The following RAB27B variants were observed in gnomAD, a reference collection of about 807,000 sequenced individuals.
The protein encoded by RAB27B is ras-related protein Rab-27B.
A neutral mutation model predicts 24.6 loss-of-function variants in RAB27B; 15 were observed. The observed-to-expected ratio is 0.61, with a 90% confidence interval of 0.41 to 0.94. The LOEUF is 0.94. Among genes scored for constraint, RAB27B ranks in the 40% least tolerant of loss-of-function variants. The pLI, the probability that RAB27B is intolerant of heterozygous loss-of-function variation, is 0.00. For missense variants in RAB27B, 261 were observed against 266.8 expected, an observed-to-expected ratio of 0.98 and a Z score of 0.15; for synonymous variants, 105 against 92.5, an observed-to-expected ratio of 1.14 and a Z score of -0.78.
At chr18:54,825,967 T>C (rs1910458206), upstream of RAB27B, among the ~76,000 whole-genome samples, 2 of 152,244 alleles carry the variant, frequency 1.3e-5, 1 homozygote, top group South Asian at 4.1e-4. Flanking sequence ...GCATGCAGTG[T>C]ATAGAATCCT....
intron 2 of RAB27B, chr18:54,745,159 G>T: frequency 6.1e-6 from 1 of 164,144 alleles, no homozygotes; most frequent in South Asian, 1.5e-4. Context: ...ACACTAACCT[G>T]CCTACCATTG....
intron 2 of RAB27B, among the ~76,000 whole-genome samples, chr18:54,794,343 T>A (rs1016010748): frequency 6.6e-6 from 1 of 152,208 alleles, no homozygotes; most frequent in African/African-American, 2.4e-5. Flanking sequence ...CTGAGTGTCA[T>A]TATCAATGAC....
chr18:54,826,916 T>C (rs1476141972), upstream of RAB27B, among the ~76,000 whole-genome samples: 1 of 152,246 alleles, frequency 6.6e-6, no homozygotes, highest in Non-Finnish European at 1.5e-5. Flanking sequence ...AAATAATAGC[T>C]ATTAGGACTA....
intron 1 of RAB27B, among the ~76,000 whole-genome samples, chr18:54,860,151 T>A (rs1911955121): frequency 6.6e-6 from 1 of 152,142 alleles, no homozygotes; most frequent in African/African-American, 2.4e-5. Flanking sequence ...TCATGGTGAA[T>A]TCCTCTTCAA....
intron 3 of RAB27B, among the ~76,000 whole-genome samples, chr18:54,883,951 G>C (rs1913026978): frequency 6.6e-6 from 1 of 151,996 alleles, no homozygotes; most frequent in Admixed American, 6.6e-5. Context: ...TTTCTTCTGG[G>C]CACAGACAAG....
At chr18:54,792,435 C>G (rs910623884) in intron 2 of RAB27B, among the ~76,000 whole-genome samples, 1 of 152,174 alleles carries the variant, frequency 6.6e-6, no homozygotes, top group Non-Finnish European at 1.5e-5. Flanking sequence ...GTGTGCCACG[C>G]GCCTTAGTCT....
intron 2 of RAB27B, among the ~76,000 whole-genome samples, chr18:54,784,404 A>G (rs1384198189): frequency 2.0e-5 from 3 of 152,184 alleles, no homozygotes; most frequent in African/African-American, 7.2e-5. Context: ...CTGCCCAGGA[A>G]GCAAACATTG....
chr18:54,813,883 T>A (rs368553067), intron 2 of RAB27B, among the ~76,000 whole-genome samples: 15 of 152,278 alleles, frequency 9.9e-5, no homozygotes, highest in African/African-American at 3.1e-4. Context: ...TTCCACACAA[T>A]GGATAATTAG....
At position 54,846,188 on chromosome 18, in the gene RAB27B, C is replaced by T. The variant is rs373404082; in HGVS notation, c.-20+17488C>T. 2.5e-4 allele frequency among the ~76,000 whole-genome samples: 38 copies of T among 152,258 alleles called. 1 individual carries two copies. The East Asian group carries it at 3.1e-3, about 12-fold the overall frequency. On this transcript the variant is annotated intron_variant, in intron 1 of 5. Transcript: ENST00000262094. ...AAGGAGAAGATACATAGATAAGTTT[C>T]GTTCAGGCATGAGTTATAGTGCTGT...
intron 1 of RAB27B, among the ~76,000 whole-genome samples, chr18:54,866,333 T>C (rs1321949116): frequency 1.3e-5 from 2 of 151,772 alleles, no homozygotes; most frequent in Admixed American, 6.5e-5. Flanking sequence ...TCTCGCTCTG[T>C]AGCCCAGGCT....
chr18:54,767,612 G>C (rs1908405898), intron 2 of RAB27B, among the ~76,000 whole-genome samples: 1 of 152,120 alleles, frequency 6.6e-6, no homozygotes, highest in Admixed American at 6.6e-5. Flanking sequence ...GTGAATAATA[G>C]TATGAAGTCA....
intron 2 of RAB27B, among the ~76,000 whole-genome samples, chr18:54,744,293 G>A (rs1209147484): frequency 6.6e-6 from 1 of 152,112 alleles, no homozygotes; most frequent in East Asian, 1.9e-4. Flanking sequence ...ATTTCAAAAT[G>A]TGATAAAGAA....
intron 1 of RAB27B, among the ~76,000 whole-genome samples, chr18:54,864,410 G>T (rs1912128929): frequency 6.6e-6 from 1 of 152,072 alleles, no homozygotes; most frequent in South Asian, 2.1e-4. Flanking sequence ...TTCCTTATCA[G>T]ATATATGATT....
At chr18:54,873,920 G>A (rs1912586117) in intron 1 of RAB27B, among the ~76,000 whole-genome samples, 1 of 152,138 alleles carries the variant, frequency 6.6e-6, no homozygotes, top group African/African-American at 2.4e-5. Flanking sequence ...TTCATTTCAG[G>A]TGGAATTTGT....
At chr18:54,758,082 T>A (rs1908064773) in intron 2 of RAB27B, among the ~76,000 whole-genome samples, 1 of 152,150 alleles carries the variant, frequency 6.6e-6, no homozygotes, top group Non-Finnish European at 1.5e-5. Context: ...ATGCTGTGCT[T>A]TGTAACCTAG....
At chr18:54,821,002 C>T (rs566400712) in intron 2 of RAB27B, among the ~76,000 whole-genome samples, 3 of 152,228 alleles carry the variant, frequency 2.0e-5, no homozygotes, top group South Asian at 4.1e-4. Flanking sequence ...AAGTACCATG[C>T]TGTTTTGGTT....
rs929214836 is a variant in RAB27B, at chr18:54,775,791, T to A, written c.-20+57650T>A. On this transcript the variant is annotated intron_variant, in intron 2 of 4. Transcript: ENST00000586570. Reference sequence around the variant, plus strand: ...ACTCCCCTCTTTGTCACCTAGCCAATTTCTAATATTCCCCAATCTCTTGCC... The same window carrying A: ...ACTCCCCTCTTTGTCACCTAGCCAAATTCTAATATTCCCCAATCTCTTGCC... Among the ~76,000 whole-genome samples, 9 of 152,200 alleles carry A rather than the reference T, an allele frequency of 5.9e-5. 1 individual carries two copies. Among genetic ancestry groups the A allele is most frequent in the Non-Finnish European group, 1.2e-4 (8 of 68,038 alleles).
intron 2 of RAB27B, among the ~76,000 whole-genome samples, chr18:54,785,265 C>CTAAT (rs61437259): frequency 0.96 from 146,135 of 151,826 alleles, 70,570 homozygotes; most frequent in East Asian, 1. Context: ...GCATGTCTGG[C>CTAAT]TTTTTTTTGT....
intron 2 of RAB27B, among the ~76,000 whole-genome samples, chr18:54,816,998 GA>G (rs1910142090): frequency 6.6e-6 from 1 of 152,048 alleles, no homozygotes; most frequent in Non-Finnish European, 1.5e-5. Flanking sequence ...TTTATTTCGA[GA>G]GTCTGATATA....
Sources: allele counts gnomAD v4.1 joint callset (sites outside exome capture counted in the v4.1 genomes callset), GRCh38; gene constraint gnomAD v4.1.1; transcripts MANE v1.5; gene names NCBI Gene and HGNC (gene_info 2026-07-23, HGNC 2026-07-21).